The following NRG3 variants were observed in gnomAD, a reference collection of about 807,000 sequenced individuals.
NRG3 encodes the protein neuregulin 3.
Under a neutral mutation model 66.9 loss-of-function variants are expected in NRG3, and 31 were observed. The ratio of observed to expected loss-of-function variants is 0.46; its 90% CI spans 0.35 to 0.63. NRG3 has a LOEUF of 0.63. NRG3 is among the 20% of genes least tolerant of loss of function. The probability of loss-of-function intolerance (pLI) is 0.00; values close to 1 mark genes in which losing one functional copy is unlikely to be tolerated. For synonymous variants in NRG3, 393 were observed against 359.4 expected (o/e 1.09, Z -1.06); for missense variants, 910 against 878.9 (o/e 1.04, Z -0.45).
At chr10:81,977,941 G>A (rs1052931513) in intron 1 of NRG3, among the ~76,000 whole-genome samples, 51 of 152,094 alleles carry the variant, frequency 3.4e-4, no homozygotes, top group African/African-American at 1.2e-3. Flanking sequence ...GGCACATAGT[G>A]ATGTTTTGAT....
intron 1 of NRG3, among the ~76,000 whole-genome samples, chr10:82,081,144 G>C (rs1428104271): frequency 2.6e-5 from 4 of 152,152 alleles, no homozygotes; most frequent in Non-Finnish European, 5.9e-5. Flanking sequence ...AAGGTATATA[G>C]ACATGAATAT....
At chr10:82,206,507 G>T (rs1471863438) in intron 1 of NRG3, among the ~76,000 whole-genome samples, 7 of 152,246 alleles carry the variant, frequency 4.6e-5, no homozygotes, top group Admixed American at 4.6e-4. Flanking sequence ...CATGTTGCAG[G>T]AATAGTAGTG....
chr10:82,837,579 G>A (rs188057527), intron 3 of NRG3, among the ~76,000 whole-genome samples: 7 of 152,210 alleles, frequency 4.6e-5, no homozygotes, highest in South Asian at 4.1e-4. Flanking sequence ...ATTTGGACGC[G>A]AATCATGATT....
At chr10:82,625,234 G>C (rs752866772) in intron 2 of NRG3, among the ~76,000 whole-genome samples, 1 of 151,702 alleles carries the variant, frequency 6.6e-6, no homozygotes, top group Non-Finnish European at 1.5e-5. Context: ...GAAAAACAGA[G>C]GCTTGTATGA....
chr10:82,856,756 C>CAAAAAAAAAAA (rs67224862), intron 3 of NRG3, among the ~76,000 whole-genome samples: 203 of 107,268 alleles, frequency 1.9e-3, no homozygotes, highest in East Asian at 3.1e-3. Flanking sequence ...AAAAAAAAAA[C>CAAAAAAAAAAA]AAAAAAAAAA....
At chr10:82,102,117 TATATATATGTGTATTC>T (rs1456074426) in intron 1 of NRG3, among the ~76,000 whole-genome samples, 2,174 of 21,018 alleles carry the variant, frequency 0.1, 74 homozygotes, top group Non-Finnish European at 0.17. Context: ...TGTATTCATA[TATATATATGTGTATTC>T]ATATATATAT....
At chr10:82,404,874 A>AT (rs1008613978) in intron 2 of NRG3, among the ~76,000 whole-genome samples, 8 of 152,046 alleles carry the variant, frequency 5.3e-5, no homozygotes, top group Non-Finnish European at 8.8e-5. Flanking sequence ...TCATTTTGCC[A>AT]TTTTTTTCCC....
At chr10:82,299,510 T>A (rs1404794926) in intron 1 of NRG3, among the ~76,000 whole-genome samples, 3 of 151,106 alleles carry the variant, frequency 2.0e-5, no homozygotes, top group East Asian at 1.9e-4. Flanking sequence ...CCAGCATTTT[T>A]AAAAATGGCC....
At chr10:82,442,195 T>C (rs767453187) in intron 2 of NRG3, among the ~76,000 whole-genome samples, 7 of 152,228 alleles carry the variant, frequency 4.6e-5, no homozygotes, top group Non-Finnish European at 8.8e-5. Flanking sequence ...AGGCATTCAT[T>C]CAATTAATAG....
chr10:82,318,557 T>G (rs1764110160), intron 1 of NRG3, among the ~76,000 whole-genome samples: 1 of 152,220 alleles, frequency 6.6e-6, no homozygotes, highest in African/African-American at 2.4e-5. Flanking sequence ...TGAGTCTATA[T>G]TCTGGCCATA....
At chr10:82,688,954 G>A (rs369302719) in intron 2 of NRG3, among the ~76,000 whole-genome samples, 12 of 151,964 alleles carry the variant, frequency 7.9e-5, no homozygotes, top group South Asian at 4.2e-4. Flanking sequence ...CTTTTTAAAC[G>A]CAACTCTATA....
chr10:82,531,116 T>C lies in NRG3; in HGVS notation c.953+172248T>C, dbSNP rs537314619. ...AGATTCCAAATTGTTGCAACAATTT[T>C]AGTGAAAGTATTTTCTCAATTAAAG... On this transcript the variant is annotated intron_variant, in intron 2 of 8. Coordinates refer to ENST00000372141, the MANE Select transcript of NRG3 (RefSeq NM_001010848.4). Among the ~76,000 whole-genome samples, 7 of 151,802 alleles carry C rather than the reference T, an allele frequency of 4.6e-5. No individual in the cohort carries two copies. The South Asian group carries it at 1.2e-3, about 27-fold the overall frequency.
intron 1 of NRG3, among the ~76,000 whole-genome samples, chr10:81,929,267 C>T (rs989670496): frequency 6.6e-6 from 1 of 152,092 alleles, no homozygotes; most frequent in Non-Finnish European, 1.5e-5. Context: ...TGTTCTTCTC[C>T]TCCTCAATGT....
chr10:82,842,794 C>T (rs976447844), intron 3 of NRG3, among the ~76,000 whole-genome samples: 6 of 151,772 alleles, frequency 4.0e-5, no homozygotes, highest in Non-Finnish European at 7.4e-5. Flanking sequence ...TATTATATGT[C>T]GCTGCTGCCT....
chr10:82,422,141 G>A (rs2089128239), intron 2 of NRG3, among the ~76,000 whole-genome samples: 1 of 152,074 alleles, frequency 6.6e-6, no homozygotes, highest in Admixed American at 6.6e-5. Context: ...AAGCTTTGTG[G>A]ATGTGGTTGT....
chr10:82,161,288 A>T (rs1402920127), intron 1 of NRG3, among the ~76,000 whole-genome samples: 4 of 152,116 alleles, frequency 2.6e-5, no homozygotes, highest in Non-Finnish European at 4.4e-5. Context: ...TCATAACTAG[A>T]GGTTGGTTAA....
intron 3 of NRG3, among the ~76,000 whole-genome samples, chr10:82,828,338 G>A (rs342369): frequency 0.38 from 58,306 of 152,070 alleles, 11,406 homozygotes; most frequent in African/African-American, 0.47. Context: ...TCTGCCCCCT[G>A]CCTAGTCACA....
chr10:82,563,166 A>G (rs1470182323), intron 2 of NRG3, among the ~76,000 whole-genome samples: 1 of 152,170 alleles, frequency 6.6e-6, no homozygotes, highest in Non-Finnish European at 1.5e-5. Context: ...TAAAACTTTG[A>G]TGAGATTATG....
intron 1 of NRG3, among the ~76,000 whole-genome samples, chr10:82,303,240 T>C (rs527864066): frequency 3.9e-4 from 60 of 152,308 alleles, no homozygotes; most frequent in African/African-American, 1.3e-3. Context: ...CAGAATACTT[T>C]AAGATTATCC....
Sources: gnomAD v4.1 joint callset for allele counts (sites outside exome capture counted in the v4.1 genomes callset) on GRCh38, gnomAD v4.1.1 for gene constraint, MANE v1.5 for transcripts, NCBI Gene and HGNC (gene_info 2026-07-23, HGNC 2026-07-21) for gene names.